The following BAZ2B variants were observed in gnomAD, a reference collection of about 807,000 sequenced individuals.
BAZ2B encodes the protein bromodomain adjacent to zinc finger domain 2B.
In BAZ2B, 91 loss-of-function variants were observed where a neutral mutation model predicts 246.0. The observed-to-expected ratio is 0.37, with a 90% CI of 0.31 to 0.44. The LOEUF (loss-of-function observed/expected upper bound fraction) is 0.44. BAZ2B is among the 20% of genes least tolerant of loss of function. The pLI is 1.00. For missense variants in BAZ2B, 2,332 were observed against 2,533.7 expected (o/e 0.92, Z 1.71); for synonymous variants, 855 against 860.0 (o/e 0.99, Z 0.10).
intron 25 of BAZ2B, among the ~76,000 whole-genome samples, chr2:159,382,342 G>A (rs542568378): frequency 2.6e-5 from 4 of 152,082 alleles, no homozygotes; most frequent in Non-Finnish European, 4.4e-5. Flanking sequence ...TTCAGTCTTA[G>A]TGTCTTTTAT....
At chr2:159,356,279 G>A (rs891813637) in intron 27 of BAZ2B, among the ~76,000 whole-genome samples, 24 of 152,332 alleles carry the variant, frequency 1.6e-4, no homozygotes, top group African/African-American at 5.0e-4. Context: ...TGAAGTCGAC[G>A]TGGGATGCTT....
chr2:159,452,871 G>A (rs1435710992), intron 4 of BAZ2B, among the ~76,000 whole-genome samples: 1 of 152,184 alleles, frequency 6.6e-6, no homozygotes, highest in Non-Finnish European at 1.5e-5. Context: ...AGGCCGAGGT[G>A]GGCGGATCAC....
chr2:159,475,056 G>C (rs2078340631), intron 3 of BAZ2B, among the ~76,000 whole-genome samples: 1 of 152,076 alleles, frequency 6.6e-6, no homozygotes, highest in African/African-American at 2.4e-5. Flanking sequence ...TTCTTGAAGA[G>C]TATCTTTGTG....
intron 16 of BAZ2B, among the ~76,000 whole-genome samples, chr2:159,402,222 C>T (rs2065190964): frequency 6.6e-6 from 1 of 151,978 alleles, no homozygotes; most frequent in Non-Finnish European, 1.5e-5. Context: ...CCGAGGCGGG[C>T]AGATCACCTG....
the BAZ2B span, among the ~76,000 whole-genome samples, chr2:159,676,742 G>A: frequency 4.8e-4 from 73 of 150,968 alleles, no homozygotes; most frequent in South Asian, 0.015. Context: ...TAGATTAGAA[G>A]TTACCAGAGA....
At chr2:159,527,117 C>T (rs1159439401) in intron 2 of BAZ2B, among the ~76,000 whole-genome samples, 1 of 151,992 alleles carries the variant, frequency 6.6e-6, no homozygotes, top group African/African-American at 2.4e-5. Context: ...CTGTGTTGTG[C>T]AGGCTGGTCT....
At chr2:159,673,323 C>T in the BAZ2B span, among the ~76,000 whole-genome samples, 1 of 152,100 alleles carries the variant, frequency 6.6e-6, no homozygotes, top group Admixed American at 6.5e-5. Flanking sequence ...CATTTCTTAC[C>T]TTTAGACCAG....
At chr2:159,594,113 C>A (rs1690032941) in intron 1 of BAZ2B, among the ~76,000 whole-genome samples, 1 of 152,072 alleles carries the variant, frequency 6.6e-6, no homozygotes, top group South Asian at 2.1e-4. Flanking sequence ...CATTAAAAAA[C>A]AAAAAGTCGG....
At chr2:159,706,800 G>A in the BAZ2B span, among the ~76,000 whole-genome samples, 3 of 152,308 alleles carry the variant, frequency 2.0e-5, no homozygotes, top group East Asian at 3.9e-4. Context: ...TACGTAAGTA[G>A]CACTAATCTG....
intron 1 of BAZ2B, among the ~76,000 whole-genome samples, chr2:159,579,890 A>G (rs1240579432): frequency 1.3e-5 from 2 of 152,194 alleles, no homozygotes; most frequent in African/African-American, 2.4e-5. Flanking sequence ...AAAACCTCTC[A>G]ATAAACTAGG....
chr2:159,534,260 G>A (rs1250334883), intron 2 of BAZ2B, among the ~76,000 whole-genome samples: 1 of 152,130 alleles, frequency 6.6e-6, no homozygotes, highest in Admixed American at 6.5e-5. Flanking sequence ...CGTGTTGTTA[G>A]GTGATTTTGT....
At chr2:159,500,783 G>T (rs1490562414) in intron 2 of BAZ2B, among the ~76,000 whole-genome samples, 1 of 151,876 alleles carries the variant, frequency 6.6e-6, no homozygotes, top group African/African-American at 2.4e-5. Flanking sequence ...GTTTCACCCA[G>T]TCTTTACTAA....
intron 1 of BAZ2B, among the ~76,000 whole-genome samples, chr2:159,589,909 G>A (rs1239888652): frequency 3.3e-5 from 5 of 152,080 alleles, no homozygotes; most frequent in East Asian, 1.9e-4. Context: ...CAGCAAGGCC[G>A]GGCCCGATGG....
At chr2:159,352,651 A>C (rs959191801) in intron 27 of BAZ2B, among the ~76,000 whole-genome samples, 2 of 152,088 alleles carry the variant, frequency 1.3e-5, no homozygotes, top group African/African-American at 4.8e-5. Context: ...ATGTCCAAGT[A>C]ATTTTTGTAT....
chr2:159,458,100 C>CG (rs2075996386), intron 3 of BAZ2B, among the ~76,000 whole-genome samples: 1 of 151,998 alleles, frequency 6.6e-6, no homozygotes, highest in African/African-American at 2.4e-5. Context: ...CTCTGCCTCC[C>CG]GGGTTCGAAT....
chr2:159,643,876 C>CAAAAAA, the BAZ2B span, among the ~76,000 whole-genome samples: 14 of 65,834 alleles, frequency 2.1e-4, no homozygotes, highest in Non-Finnish European at 2.3e-4. Flanking sequence ...AACTCCATCA[C>CAAAAAA]AAAAAAAAAA....
intron 1 of BAZ2B, among the ~76,000 whole-genome samples, chr2:159,569,952 T>C (rs902224547): frequency 3.3e-5 from 5 of 152,110 alleles, no homozygotes; most frequent in Non-Finnish European, 5.9e-5. Flanking sequence ...ACAAAAAAAA[T>C]CCATGATGAA....
chr2:159,511,555 A>G (rs546483907), intron 2 of BAZ2B, among the ~76,000 whole-genome samples: 19 of 152,258 alleles, frequency 1.2e-4, no homozygotes, highest in East Asian at 7.7e-4. Context: ...AGTTCAGTAT[A>G]ATTATTTAAA....
chr2:159,608,417 C>T (rs1026866787), intron 1 of BAZ2B, among the ~76,000 whole-genome samples: 3 of 152,142 alleles, frequency 2.0e-5, no homozygotes, highest in African/African-American at 7.2e-5. Context: ...TCCATTAACT[C>T]ACCCTTCTTC....
Sources: gnomAD v4.1 joint callset for allele counts (sites outside exome capture counted in the v4.1 genomes callset) on GRCh38, gnomAD v4.1.1 for gene constraint, MANE v1.5 for transcripts, NCBI Gene and HGNC (gene_info 2026-07-23, HGNC 2026-07-21) for gene names.